DPY19L4: variants seen among roughly 807,000 people sequenced by gnomAD.
The protein encoded by DPY19L4 is probable C-mannosyltransferase DPY19L4.
DPY19L4 carries 97 observed loss-of-function variants against 102.8 expected under a neutral mutation model. The ratio of observed to expected loss-of-function variants is 0.94; its 90% CI spans 0.80 to 1.12. The LOEUF (loss-of-function observed/expected upper bound fraction) is 1.12. Among genes scored for constraint, DPY19L4 ranks in the 50% most tolerant of loss-of-function variants. DPY19L4 has a pLI of 0.00. For missense variants in DPY19L4, 815 were observed against 850.4 expected (o/e 0.96, Z 0.52); for synonymous variants, 252 against 283.1 (o/e 0.89, Z 1.10).
chr8:94,738,357 A>AT lies in DPY19L4; in HGVS notation c.253-8dup. ...AAATTAAATTTTAAATAATAATTTC[A>AT]TTTTCTTTTAGGAGCTTGAACGGGA... On this transcript the variant is annotated splice_polypyrimidine_tract_variant and intron_variant, in intron 3 of 18. Transcript: ENST00000414645. The AT allele has an allele frequency of 6.9e-7, 1 of 1,445,586 alleles. No individual in the cohort carries two copies. Among genetic ancestry groups the AT allele is most frequent in the Non-Finnish European group, 9.2e-7 (1 of 1,091,876 alleles). The allele number at this position is 1,445,586 out of a possible 1,614,324, so 89.5% of individuals were successfully genotyped here. A position where few individuals can be genotyped will look rare whatever the true frequency, so the allele number is the denominator to read the frequency against.
chr8:94,743,011 C>CTTTTA (rs1327861638), intron 6 of DPY19L4, among the ~76,000 whole-genome samples: 21 of 151,564 alleles, frequency 1.4e-4, no homozygotes, highest in East Asian at 5.9e-4. Context: ...CACCAAAAGT[C>CTTTTA]TTTTATTTTA....
intron 17 of DPY19L4, among the ~76,000 whole-genome samples, chr8:94,785,796 T>C (rs1208171519): frequency 1.3e-5 from 2 of 152,232 alleles, no homozygotes; most frequent in Admixed American, 1.3e-4. Context: ...TAGAGTTGCT[T>C]AGGCAGAATA....
chr8:94,757,598 C>T (rs982573990), intron 7 of DPY19L4, among the ~76,000 whole-genome samples: 3 of 151,862 alleles, frequency 2.0e-5, no homozygotes, highest in Admixed American at 6.6e-5. Flanking sequence ...TTAGTAGAGA[C>T]GGGGTATCAC....
At chr8:94,777,902 G>T in intron 14 of DPY19L4, 116 bp downstream of exon 14, 2 of 1,276,656 alleles carry the variant, frequency 1.6e-6, no homozygotes, top group Non-Finnish European at 1.1e-6. Context: ...ATGACTTACA[G>T]GTAGAAAAAC....
chr8:94,755,146 T>C (rs947250317), intron 6 of DPY19L4, among the ~76,000 whole-genome samples: 1 of 152,194 alleles, frequency 6.6e-6, no homozygotes, highest in Non-Finnish European at 1.5e-5. Context: ...ATATCACATA[T>C]AAGACTGTGA....
At chr8:94,740,146 CTG>C (rs1274343212) in intron 6 of DPY19L4, among the ~76,000 whole-genome samples, 4 of 152,196 alleles carry the variant, frequency 2.6e-5, no homozygotes, top group African/African-American at 9.7e-5. Flanking sequence ...CTGATGAAAA[CTG>C]TAGCTCTGGC....
At position 94,755,986 on chromosome 8, in the gene DPY19L4, A is replaced by G. The variant is rs368414296; in HGVS notation, c.612-50A>G. 20 of 1,559,566 alleles carry G rather than the reference A, an allele frequency of 1.3e-5. No individual in the cohort carries two copies. The East Asian group carries it at 1.4e-4, about 11-fold the overall frequency. ...TAAAGTACTTTGAAAAGTATAGTGTAACACAAATATAATGTCTTATTTTTA... is the reference window on the plus strand; with the variant it reads ...TAAAGTACTTTGAAAAGTATAGTGTGACACAAATATAATGTCTTATTTTTA... On this transcript the variant is annotated intron_variant, in intron 6 of 18. Transcript: ENST00000414645.
At chr8:94,759,680 A>C (rs1203198217) in intron 7 of DPY19L4, among the ~76,000 whole-genome samples, 4 of 151,182 alleles carry the variant, frequency 2.6e-5, no homozygotes, top group African/African-American at 9.7e-5. Flanking sequence ...CTAATTTTGT[A>C]TTTTTAGTAG....
intron 2 of DPY19L4, among the ~76,000 whole-genome samples, chr8:94,732,837 A>G (rs149128467): frequency 0.013 from 1,815 of 135,850 alleles, 40 homozygotes; most frequent in African/African-American, 0.048. Context: ...TTGAGACAAG[A>G]TCTGGCTGTG....
At chr8:94,769,157 G>A (rs1172241185) in intron 12 of DPY19L4, among the ~76,000 whole-genome samples, 2 of 148,080 alleles carry the variant, frequency 1.4e-5, no homozygotes, top group African/African-American at 2.5e-5. Context: ...CACCTCCTGG[G>A]TTCAAGCGAT....
intron 11 of DPY19L4, among the ~76,000 whole-genome samples, chr8:94,767,821 T>G (rs988129746): frequency 6.6e-6 from 1 of 152,120 alleles, no homozygotes; most frequent in African/African-American, 2.4e-5. Flanking sequence ...TTTTAAAAAA[T>G]ACAAAGAAAC....
intron 6 of DPY19L4, among the ~76,000 whole-genome samples, chr8:94,752,669 A>T (rs1362198583): frequency 1.1e-4 from 14 of 127,748 alleles, no homozygotes; most frequent in African/African-American, 4.0e-4. Flanking sequence ...TTTTTTTACG[A>T]TTTTTTTTTT....
Position 94,763,678 on chromosome 8 carries a change from A to C in DPY19L4, c.871-1505A>C, listed in dbSNP as rs186559054. On this transcript the variant is annotated intron_variant, in intron 8 of 18. Transcript: ENST00000414645. ...TGGGATTACAGGCATGCCCCACCAC[A>C]CCGGGCTCATTTTTTTTTTTTATTT... Among the ~76,000 whole-genome samples, 63 of 148,456 alleles carry C rather than the reference A, an allele frequency of 4.2e-4. 2 individuals carry two copies. The East Asian group carries it at 0.011, about 25-fold the overall frequency.
chr8:94,739,661 T>A lies in DPY19L4; in HGVS notation c.482T>A (p.Val161Glu). 6.2e-7 allele frequency: 1 copy of A among 1,614,116 alleles called. No homozygotes were observed. Among genetic ancestry groups the A allele is most frequent in the Non-Finnish European group, 8.5e-7 (1 of 1,179,992 alleles). ...TCCACATAGGAGATTATTGAGCCAGTGTATTTCTATATTGGCATTGTTTTT... is the reference window on the plus strand; with the variant it reads ...TCCACATAGGAGATTATTGAGCCAGAGTATTTCTATATTGGCATTGTTTTT... ...ATGSNEIIEPVYFYIGIVFGL... is the reference protein window; with the variant it reads ...ATGSNEIIEPEYFYIGIVFGL... Residue 161 changes from valine to glutamate, a missense_variant, in exon 6 of 19, where the codon GTG (valine) becomes GAG (glutamate). Transcript: ENST00000414645.
At chr8:94,773,213 CAAAA>C (rs1319486647) in intron 13 of DPY19L4, among the ~76,000 whole-genome samples, 2 of 67,542 alleles carry the variant, frequency 3.0e-5, no homozygotes, top group African/African-American at 4.5e-5. Context: ...GACTCCGTAT[CAAAA>C]AAAAAAAAAA....
chr8:94,770,049 G>A (rs967453532), intron 12 of DPY19L4, among the ~76,000 whole-genome samples: 8 of 151,806 alleles, frequency 5.3e-5, no homozygotes, highest in Admixed American at 1.3e-4. Context: ...CACCATGCCC[G>A]GCTAATTTTT....
At chr8:94,720,697 A>G (rs1282522038) in intron 1 of DPY19L4, among the ~76,000 whole-genome samples, 1 of 152,220 alleles carries the variant, frequency 6.6e-6, no homozygotes, top group African/African-American at 2.4e-5. Context: ...TAAGTAATTC[A>G]TTCAGCAGTA....
At chr8:94,767,362 C>T (rs143623067) in intron 11 of DPY19L4, among the ~76,000 whole-genome samples, 3,856 of 148,006 alleles carry the variant, frequency 0.026, 171 homozygotes, top group African/African-American at 0.09. Context: ...GGCACGATCT[C>T]GGCTCACTGC....
chr8:94,785,673 G>C (rs1297509329), intron 17 of DPY19L4, among the ~76,000 whole-genome samples: 2 of 152,192 alleles, frequency 1.3e-5, no homozygotes, highest in African/African-American at 2.4e-5. Flanking sequence ...ATGGCAGAAA[G>C]AACAGATTGA....
Sources: allele counts gnomAD v4.1 joint callset (sites outside exome capture counted in the v4.1 genomes callset), GRCh38; gene constraint gnomAD v4.1.1; transcripts MANE v1.5; gene names NCBI Gene and HGNC (gene_info 2026-07-23, HGNC 2026-07-21).